Variants in AIRIM observed in about 807,000 individuals in gnomAD.
AIRIM encodes the protein AFG2-interacting ribosome maturation factor.
the AIRIM span, among the ~76,000 whole-genome samples, chr1:37,684,344 A>C: frequency 3.3e-5 from 5 of 152,224 alleles, no homozygotes; most frequent in African/African-American, 4.8e-5. Flanking sequence ...TGCATTTAAA[A>C]GGGAAAATAA....
the AIRIM span, chr1:37,690,424 C>G: frequency 7.9e-7 from 1 of 1,266,338 alleles, no homozygotes; most frequent in East Asian, 5.6e-5. Flanking sequence ...CTGCCCGAGG[C>G]TGCCGGTCGC....
the AIRIM span, among the ~76,000 whole-genome samples, chr1:37,686,955 C>T: frequency 7.2e-5 from 11 of 151,802 alleles, no homozygotes; most frequent in Admixed American, 1.3e-4. Context: ...CCCAGCTACT[C>T]GGGAGGCACG....
At chr1:37,690,439 C>G in the AIRIM span, 1 of 1,263,736 alleles carries the variant, frequency 7.9e-7, no homozygotes, top group African/African-American at 1.6e-5. Context: ...GGTCGCCTTC[C>G]TGAAAAAGCG....
the AIRIM span, chr1:37,690,601 A>T: frequency 1.7e-6 from 1 of 605,710 alleles, no homozygotes; most frequent in Non-Finnish European, 2.4e-6. Context: ...AATATATCGT[A>T]GTGCCGCAAT....
chr1:37,692,156 C>T, the AIRIM span: 1 of 158,428 alleles, frequency 6.3e-6, no homozygotes, highest in Non-Finnish European at 1.4e-5. Flanking sequence ...AAAGAAGCAG[C>T]CGCCAACCCT....
chr1:37,690,056 G>A, the AIRIM span: 9 of 1,407,556 alleles, frequency 6.4e-6, no homozygotes, highest in African/African-American at 1.5e-5. Flanking sequence ...TCTCACTGTC[G>A]CCCAGGCTGG....
At chr1:37,681,904 C>T in the AIRIM span, 7 of 152,074 alleles carry the variant, frequency 4.6e-5, no homozygotes, top group Admixed American at 3.3e-4. Flanking sequence ...CAGTATGTAT[C>T]GATGATAGCA....
chr1:37,686,247 T>C, the AIRIM span: 1 of 1,588,180 alleles, frequency 6.3e-7, no homozygotes, highest in Non-Finnish European at 8.6e-7. Flanking sequence ...GCTCTGGCTG[T>C]GACCTGAAAT....
At chr1:37,683,114 A>C in the AIRIM span, 11 of 1,612,346 alleles carry the variant, frequency 6.8e-6, no homozygotes, top group Admixed American at 1.7e-5. Context: ...CCAGATACGC[A>C]TAGCTTCCTT....
the AIRIM span, among the ~76,000 whole-genome samples, chr1:37,688,898 C>T: frequency 6.8e-6 from 1 of 147,368 alleles, no homozygotes. Context: ...CCAGGGAAAT[C>T]GAGGCTACAA....
chr1:37,688,277 C>T, the AIRIM span, among the ~76,000 whole-genome samples: 84 of 151,612 alleles, frequency 5.5e-4, 2 homozygotes, highest in South Asian at 0.017. Context: ...AGGCTGGTCT[C>T]GAACTCCTGA....
chr1:37,686,295 T>C, the AIRIM span: 2 of 1,613,768 alleles, frequency 1.2e-6, no homozygotes, highest in South Asian at 2.2e-5. Flanking sequence ...TGTCTCTCAA[T>C]ATCCTGCAAC....
the AIRIM span, chr1:37,686,502 G>C: frequency 3.2e-6 from 5 of 1,564,972 alleles, no homozygotes; most frequent in South Asian, 4.7e-5. Flanking sequence ...ATGTATAAAG[G>C]AAGGTTTCTC....
At chr1:37,682,132 CTACATTT>C in the AIRIM span, 1 of 152,106 alleles carries the variant, frequency 6.6e-6, no homozygotes, top group South Asian at 2.1e-4. Flanking sequence ...TTACAATTTT[CTACATTT>C]TACATTTTTT....
At chr1:37,686,469 G>A in the AIRIM span, 73 of 1,608,156 alleles carry the variant, frequency 4.5e-5, no homozygotes, top group Admixed American at 1.5e-4. Context: ...GAAAGAGTCT[G>A]ACATTAGGCA....
the AIRIM span, among the ~76,000 whole-genome samples, chr1:37,685,096 C>T: frequency 2.0e-5 from 3 of 149,904 alleles, no homozygotes; most frequent in African/African-American, 7.4e-5. Flanking sequence ...TACCCTAGAA[C>T]GAAGCCAGAA....
the AIRIM span, chr1:37,689,966 A>G: frequency 4.1e-6 from 6 of 1,463,536 alleles, no homozygotes; most frequent in East Asian, 2.3e-5. Flanking sequence ...GGTGGGCGTC[A>G]TCTCTGTTAT....
chr1:37,681,665 T>C, the AIRIM span: 1 of 152,234 alleles, frequency 6.6e-6, no homozygotes, highest in African/African-American at 2.4e-5. Context: ...ATCTGGTAGA[T>C]GGATAACGGT....
chr1:37,687,127 GTTTT>G, the AIRIM span, among the ~76,000 whole-genome samples: 1 of 147,606 alleles, frequency 6.8e-6, no homozygotes, highest in Admixed American at 6.8e-5. Flanking sequence ...TTTTGTTTTT[GTTTT>G]TTGTTTTTTT....
Sources: allele counts gnomAD v4.1 joint callset (sites outside exome capture counted in the v4.1 genomes callset), GRCh38; gene constraint gnomAD v4.1.1; transcripts MANE v1.5; gene names NCBI Gene and HGNC (gene_info 2026-07-23, HGNC 2026-07-21).